STK3: variants seen among roughly 807,000 people sequenced by gnomAD.
STK3 encodes serine/threonine kinase 3, also known as serine/threonine-protein kinase 3.
A neutral mutation model predicts 58.0 loss-of-function variants in STK3; 41 were observed. The ratio of observed to expected loss-of-function variants is 0.71; its 90% confidence interval spans 0.55 to 0.92. The LOEUF (loss-of-function observed/expected upper bound fraction) is 0.92. Ranked by LOEUF, STK3 falls within the 40% of genes least tolerant of loss-of-function variation. The pLI, the probability that STK3 is intolerant of heterozygous loss-of-function variation, is 0.00. For synonymous variants in STK3, 170 were observed against 191.0 expected (o/e 0.89, Z 0.91); for missense variants, 479 against 602.7 (o/e 0.79, Z 2.15).
At position 98,623,627 on chromosome 8, in the gene STK3, T is replaced by C. The variant is rs117378850; in HGVS notation, c.685-27458A>G. On this transcript the variant is annotated intron_variant, in intron 6 of 10. Transcript: ENST00000419617. ...AGCGACAGCCCGTCTCTACAAAATATACAACAATTAGCCAGGCATGGTGGT... is the reference window on the plus strand; with the variant it reads ...AGCGACAGCCCGTCTCTACAAAATACACAACAATTAGCCAGGCATGGTGGT... 9.1e-4 allele frequency among the ~76,000 whole-genome samples: 139 copies of C among 152,206 alleles called. 2 individuals are homozygous for C. In the East Asian group the frequency reaches 0.022, roughly 24 times the overall value.
chr8:98,434,801 AG>A (rs1818426964), intron 2 of STK3, among the ~76,000 whole-genome samples: 1 of 152,144 alleles, frequency 6.6e-6, no homozygotes, highest in Non-Finnish European at 1.5e-5. Flanking sequence ...CAGAAATCGG[AG>A]GGAAAGAGAG....
chr8:98,872,726 CT>C (rs985123354), intron 3 of STK3, among the ~76,000 whole-genome samples: 1 of 152,108 alleles, frequency 6.6e-6, no homozygotes, highest in Non-Finnish European at 1.5e-5. Context: ...TGATTCTTCT[CT>C]CTTTTTTTCT....
chr8:98,584,906 A>C lies in STK3; in HGVS notation c.823-5117T>G, dbSNP rs986134503. 7.1e-4 allele frequency among the ~76,000 whole-genome samples: 108 copies of C among 151,764 alleles called. 1 individual carries two copies. The highest frequency in any genetic ancestry group is 2.6e-3 in the African/African-American group (107 of 41,462). On this transcript the variant is annotated intron_variant, in intron 7 of 10. Coordinates refer to ENST00000419617, the MANE Select transcript of STK3 (RefSeq NM_006281.4). Reference sequence around the variant, plus strand: ...GCTGCATAAATGTCTTCTTTTGAGAAGTGTCTGTTCATGTCCTTCGCCCAC... The same window carrying C: ...GCTGCATAAATGTCTTCTTTTGAGACGTGTCTGTTCATGTCCTTCGCCCAC...
chr8:98,472,782 T>C (rs1165401127), intron 10 of STK3, among the ~76,000 whole-genome samples: 2 of 152,176 alleles, frequency 1.3e-5, no homozygotes, highest in African/African-American at 2.4e-5. Flanking sequence ...CTTTATTTTA[T>C]TTCTGCTTTA....
intron 3 of STK3, among the ~76,000 whole-genome samples, chr8:98,843,633 T>C (rs1836080356): frequency 6.6e-6 from 1 of 152,214 alleles, no homozygotes; most frequent in African/African-American, 2.4e-5. Flanking sequence ...TGTCATTGGC[T>C]CAAACTGTCG....
chr8:98,697,901 C>G (rs1429337803), intron 6 of STK3, among the ~76,000 whole-genome samples: 1 of 152,128 alleles, frequency 6.6e-6, no homozygotes, highest in Non-Finnish European at 1.5e-5. Flanking sequence ...CAGCTGAGTT[C>G]AATTCCTGGA....
At chr8:98,809,138 T>C (rs958446605) in intron 1 of STK3, among the ~76,000 whole-genome samples, 2 of 152,226 alleles carry the variant, frequency 1.3e-5, no homozygotes, top group Non-Finnish European at 2.9e-5. Context: ...CCTCACCCTA[T>C]GTGCCTTTTC....
chr8:98,611,175 A>G (rs774894932), intron 6 of STK3, among the ~76,000 whole-genome samples: 26 of 152,182 alleles, frequency 1.7e-4, no homozygotes, highest in Non-Finnish European at 2.9e-4. Context: ...ATATGATGCA[A>G]TAAGTGAGGC....
chr8:98,761,699 C>T (rs954677566), intron 3 of STK3, among the ~76,000 whole-genome samples: 1 of 152,206 alleles, frequency 6.6e-6, no homozygotes, highest in Non-Finnish European at 1.5e-5. Context: ...CTCAATCACA[C>T]AGCAATTTAT....
chr8:98,759,436 C>T (rs1373115573), intron 3 of STK3, among the ~76,000 whole-genome samples: 1 of 152,216 alleles, frequency 6.6e-6, no homozygotes, highest in East Asian at 1.9e-4. Flanking sequence ...AGGTGCAGTT[C>T]GTGGCACCTC....
chr8:98,848,341 CT>C (rs1189488317), intron 3 of STK3, among the ~76,000 whole-genome samples: 2 of 151,598 alleles, frequency 1.3e-5, no homozygotes, highest in African/African-American at 4.8e-5. Context: ...CCTCCGCTTT[CT>C]GGGTTCAAGT....
At chr8:98,583,568 G>A (rs1814131589) in intron 7 of STK3, among the ~76,000 whole-genome samples, 1 of 152,158 alleles carries the variant, frequency 6.6e-6, no homozygotes, top group Admixed American at 6.5e-5. Context: ...CCTCACTGTG[G>A]TTTGGATGAA....
intron 2 of STK3, among the ~76,000 whole-genome samples, chr8:98,375,272 A>G (rs202027135): frequency 4.0e-5 from 1 of 24,788 alleles, no homozygotes; most frequent in Non-Finnish European, 1.6e-4. Context: ...AAAAAAAAAC[A>G]AAAAAAAACA....
In STK3 at chr8:98,428,010, G is replaced by C. The variant is rs778488316; in HGVS notation, n.483+6117C>G. 7 of 1,586,728 alleles carry C rather than the reference G, an allele frequency of 4.4e-6. No homozygotes were observed. The highest frequency in any genetic ancestry group is 1.3e-5 in the African/African-American group (1 of 74,286). On this transcript the variant is annotated intron_variant and non_coding_transcript_variant, in intron 3 of 3. Coordinates refer to the STK3 transcript ENST00000517832. The surrounding 1 kb of genome is among the most constrained non-coding windows in gnomAD (Gnocchi z 6.7). ...CGGCCAGAGCCTGTGGGACGTGTCG[G>C]AGGCTAACGTCGAGGACGGGGAGAT... is the stretch of plus-strand genomic sequence containing the variant.
chr8:98,458,367 T>C (rs999385191), intron 10 of STK3, among the ~76,000 whole-genome samples: 6 of 152,218 alleles, frequency 3.9e-5, no homozygotes, highest in African/African-American at 1.4e-4. Context: ...TGTTTTGTAG[T>C]TCTCCCTGTA....
At chr8:98,905,111 T>C (rs756742758) in intron 1 of STK3, 19 of 1,439,004 alleles carry the variant, frequency 1.3e-5, no homozygotes, top group Non-Finnish European at 1.9e-5. Context: ...CAGTAAAGTC[T>C]GCCACACGAC....
intron 8 of STK3, among the ~76,000 whole-genome samples, chr8:98,563,942 C>T (rs943726541): frequency 6.6e-6 from 1 of 151,872 alleles, no homozygotes; most frequent in Non-Finnish European, 1.5e-5. Context: ...GGAGAATAAC[C>T]CCCCACTTCT....
chr8:98,865,648 C>T (rs946825331), intron 3 of STK3, among the ~76,000 whole-genome samples: 1 of 152,154 alleles, frequency 6.6e-6, no homozygotes, highest in African/African-American at 2.4e-5. Flanking sequence ...CCATGTCCAG[C>T]CTAGTTTGCT....
intron 6 of STK3, among the ~76,000 whole-genome samples, chr8:98,653,862 C>T (rs1563852120): frequency 1.3e-5 from 2 of 151,238 alleles, no homozygotes; most frequent in South Asian, 4.2e-4. Context: ...ACCAAAAAAA[C>T]TCCAGGACCA....
Sources: gnomAD v4.1 joint callset for allele counts (sites outside exome capture counted in the v4.1 genomes callset) on GRCh38, gnomAD v4.1.1 for gene constraint, Gnocchi (gnomAD v3.1) non-coding constraint, MANE v1.5 for transcripts, NCBI Gene and HGNC (gene_info 2026-07-23, HGNC 2026-07-21) for gene names.